The following ZNF737 variants were observed in gnomAD, a reference collection of about 807,000 sequenced individuals.
ZNF737 encodes zinc finger protein 102 (Y3).
ZNF737 carries 13 observed loss-of-function variants against 11.7 expected under a neutral mutation model. That is an observed-to-expected ratio of 1.11 (90% CI 0.73 to 1.77). The LOEUF (loss-of-function observed/expected upper bound fraction) is 1.77, where lower values mean the gene tolerates loss of function less well. Among genes scored for constraint, ZNF737 ranks in the 40% most tolerant of loss-of-function variants. ZNF737 has a pLI of 0.00. For synonymous variants in ZNF737, 217 were observed against 216.2 expected (o/e 1.00, Z -0.03); for missense variants, 636 against 638.0 (o/e 1.00, Z 0.03).
intron 1 of ZNF737, among the ~76,000 whole-genome samples, chr19:20,562,617 CAAT>C (rs1466960759): frequency 4.8e-4 from 73 of 151,936 alleles, no homozygotes; most frequent in African/African-American, 1.6e-3. Context: ...CTCAGCCTCC[CAAT>C]AATTTTTGTA....
At chr19:20,532,101 G>T (rs1555753008), downstream of ZNF737, among the ~76,000 whole-genome samples, 1 of 150,184 alleles carries the variant, frequency 6.7e-6, no homozygotes, top group Non-Finnish European at 1.5e-5. Context: ...TAACACATCT[G>T]TCCAGGACAG....
intron 1 of ZNF737, among the ~76,000 whole-genome samples, chr19:20,560,527 TC>T (rs1287464989): frequency 6.6e-6 from 1 of 152,028 alleles, no homozygotes; most frequent in Non-Finnish European, 1.5e-5. Context: ...ATGCCTGTAA[TC>T]CCACCACTTT....
rs2144595939 is a variant in ZNF737 at position 20,541,987 on chromosome 19, A to G, written c.*2605T>C. On this transcript the variant is annotated 3_prime_UTR_variant, in exon 4 of 4. Coordinates refer to ENST00000427401, the MANE Select transcript of ZNF737 (RefSeq NM_001159293.2). ...CCACGAATACAAATAAAAAATTTAA[A>G]TAATAAAGAGTCAAAATTTAATCTA... The G allele has an allele frequency of 1.0e-6, 1 of 976,836 alleles. No individual in the cohort carries two copies. Among genetic ancestry groups the G allele is most frequent in the Non-Finnish European group, 1.2e-6 (1 of 822,182 alleles). The allele number at this position is 976,836 out of a possible 1,614,324, so 60.5% of individuals were successfully genotyped here. A position where few individuals can be genotyped will look rare whatever the true frequency, so the allele number is the denominator to read the frequency against.
chr19:20,530,541 A>T, the ZNF737 span, among the ~76,000 whole-genome samples: 1 of 141,142 alleles, frequency 7.1e-6, no homozygotes, highest in African/African-American at 2.7e-5. Flanking sequence ...GGGTCTCCTC[A>T]CTTCTCAGAT....
intron 3 of ZNF737, among the ~76,000 whole-genome samples, chr19:20,552,034 G>A (rs1251243428): frequency 3.4e-5 from 5 of 148,610 alleles, no homozygotes; most frequent in African/African-American, 1.2e-4. Flanking sequence ...GACTATAATA[G>A]TAATAAAAAT....
chr19:20,542,139 TAC>T lies in ZNF737; in HGVS notation c.*2451_*2452del. ...ACCTACACCCTTGAGTAAAGTGGGA[TAC>T]AGTTAGTGGCACAATAATGGTTCAT... is the stretch of plus-strand genomic sequence containing the variant. On this transcript the variant is annotated 3_prime_UTR_variant, in exon 4 of 4. Coordinates refer to ENST00000427401, the MANE Select transcript of ZNF737 (RefSeq NM_001159293.2). 2.0e-6 allele frequency: 2 copies of T among 985,286 alleles called. No individual in the cohort carries two copies. The highest frequency in any genetic ancestry group is 1.2e-6 in the Non-Finnish European group (1 of 829,824). The allele number at this position is 985,286 out of a possible 1,614,324, so 61.0% of individuals were successfully genotyped here.
At chr19:20,551,002 A>C (rs1283919115) in intron 3 of ZNF737, 1 of 152,234 alleles carries the variant, frequency 6.6e-6, no homozygotes, top group East Asian at 1.9e-4. Flanking sequence ...GACCTGGATG[A>C]AGGCACCCAT....
chr19:20,531,333 G>A (rs1967823461), downstream of ZNF737, among the ~76,000 whole-genome samples: 1 of 149,150 alleles, frequency 6.7e-6, no homozygotes, highest in African/African-American at 2.5e-5. Context: ...CTAAGTAAAG[G>A]AGAATTTCTG....
At chr19:20,552,406 T>G in intron 3 of ZNF737, 69 bp downstream of exon 3, 1 of 1,123,260 alleles carries the variant, frequency 8.9e-7, no homozygotes, top group Non-Finnish European at 1.2e-6. Flanking sequence ...CTTTAAGGAC[T>G]GGCTTTCTCT....
intron 3 of ZNF737, among the ~76,000 whole-genome samples, chr19:20,548,980 A>AAAAAAAAAC (rs1491170549): frequency 0.076 from 5,013 of 65,664 alleles, 130 homozygotes; most frequent in Non-Finnish European, 0.091. Flanking sequence ...AAAAAAAAAA[A>AAAAAAAAAC]CAATTATGTA....
chr19:20,552,822 G>A lies in ZNF737; in HGVS notation c.131-252C>T, dbSNP rs550649979. On this transcript the variant is annotated intron_variant, in intron 2 of 3. Transcript: ENST00000427401. ...AGGTCATGAGTTAGAGACCAGCCTG[G>A]CCAGCATGGTGAAACCCCATCTCTA... Among the ~76,000 whole-genome samples, 18 of 152,016 alleles carry A rather than the reference G, an allele frequency of 1.2e-4. No individual in the cohort carries two copies. In the East Asian group the frequency reaches 1.7e-3, roughly 15 times the overall value.
In ZNF737 at chr19:20,544,890, G is replaced by C. The variant is rs782206237; in HGVS notation, c.1313C>G (p.Ser438Cys). The C allele has an allele frequency of 2.5e-6, 4 of 1,613,554 alleles. No individual in the cohort carries two copies. In the South Asian group the frequency reaches 4.4e-5, roughly 18 times the overall value. Reference protein sequence around the residue: ...EECGKAFKCFSILTTHKRIHT... With the variant: ...EECGKAFKCFCILTTHKRIHT... ...AATTCTCTTATGTGTAGTAAGGATA[G>C]AGAAGCACTTAAAGGCCTTGCCACA... is the stretch of plus-strand genomic sequence containing the variant. Residue 438 changes from serine (S) to cysteine (C), a missense_variant, in exon 4 of 4, where the codon TCT becomes TGT. By Grantham distance (112) the Ser-to-Cys change is moderately radical (BLOSUM62 -1). Transcript: ENST00000427401.
rs782175273 is a variant in ZNF737, at chr19:20,545,867, C to CTGTAAAT, written c.329_335dup (p.Lys114ThrfsTer3). 6.6e-5 allele frequency: 107 copies of CTGTAAAT among 1,613,282 alleles called. 1 individual carries two copies. In the South Asian group the frequency reaches 1.1e-3, roughly 17 times the overall value. On this transcript the variant is annotated frameshift_variant, in exon 4 of 4. Transcript: ENST00000427401. LOFTEE classifies it low-confidence loss of function (END_TRUNC). ...CTACACTTTCACAGCCCTTTTTAAA[C>CTGTAAAT]TGTAAATTGTCATGTCCATAGTTTT...
chr19:20,545,401 G>A lies in ZNF737; in HGVS notation c.802C>T (p.Arg268Cys), dbSNP rs782505344. ...TTATGTGTAGTAAGGTTAGAGGAGC[G>A]CTTAAAGGCCTTGCCACATTCTTCA... is the stretch of plus-strand genomic sequence containing the variant. The part of the protein sequence containing the change: ...KCEECGKAFK[R>C]SSNLTTHKII... The change falls in exon 4 of 4, where the codon CGC becomes TGC. Residue 268 changes from arginine to cysteine, a missense_variant. Transcript: ENST00000427401. The A allele has an allele frequency of 3.6e-5, 57 of 1,603,872 alleles. No homozygotes were observed. The African/African-American group carries it at 5.9e-4, about 17-fold the overall frequency.
At position 20,538,437 on chromosome 19, in the gene ZNF737, A is replaced by G. The variant is rs1555754370; in HGVS notation, c.*6155T>C. 2.0e-5 allele frequency among the ~76,000 whole-genome samples: 3 copies of G among 152,314 alleles called. No individual in the cohort carries two copies. Among genetic ancestry groups the G allele is most frequent in the Non-Finnish European group, 4.4e-5 (3 of 68,032 alleles). ...CTAAGTTGCTAAACAATTGGGACATACAGAATGTGAGGTCCCATTCCAGCC... is the reference window on the plus strand; with the variant it reads ...CTAAGTTGCTAAACAATTGGGACATGCAGAATGTGAGGTCCCATTCCAGCC... On this transcript the variant is annotated 3_prime_UTR_variant, in exon 4 of 4. Coordinates refer to ENST00000427401, the MANE Select transcript of ZNF737 (RefSeq NM_001159293.2).
intron 3 of ZNF737, among the ~76,000 whole-genome samples, chr19:20,546,195 C>G (rs1470372772): frequency 1.3e-5 from 2 of 151,990 alleles, no homozygotes; most frequent in Non-Finnish European, 2.9e-5. Flanking sequence ...ATGAAGGGCC[C>G]CAGGTGAGCA....
intron 3 of ZNF737, among the ~76,000 whole-genome samples, chr19:20,551,709 GAAA>G (rs1220115358): frequency 6.7e-6 from 1 of 150,372 alleles, no homozygotes; most frequent in Non-Finnish European, 1.5e-5. Context: ...AAATTTCTGA[GAAA>G]AAAATTAACC....
At chr19:20,559,881 G>T (rs1386972090) in intron 1 of ZNF737, among the ~76,000 whole-genome samples, 1 of 152,138 alleles carries the variant, frequency 6.6e-6, no homozygotes, top group Non-Finnish European at 1.5e-5. Context: ...AGAAAATATG[G>T]TATGGTCAGA....
chr19:20,563,448 T>A (rs1969177867), intron 1 of ZNF737, among the ~76,000 whole-genome samples: 1 of 151,274 alleles, frequency 6.6e-6, no homozygotes, highest in South Asian at 2.1e-4. Flanking sequence ...CCAGGGAAAT[T>A]ACTCAAACAC....
Sources: gnomAD v4.1 joint callset for allele counts (sites outside exome capture counted in the v4.1 genomes callset) on GRCh38, gnomAD v4.1.1 for gene constraint, MANE v1.5 for transcripts, NCBI Gene and HGNC (gene_info 2026-07-23, HGNC 2026-07-21) for gene names.